The following CLYBL variants were observed in gnomAD, a reference collection of about 807,000 sequenced individuals.
CLYBL encodes citramalyl-CoA lyase, mitochondrial.
Under a neutral mutation model 38.9 loss-of-function variants are expected in CLYBL, and 31 were observed. The ratio of observed to expected loss-of-function variants is 0.80; its 90% CI spans 0.60 to 1.08. The LOEUF is 1.08. Ranked by LOEUF, CLYBL falls within the 50% of genes least tolerant of loss-of-function variation. The pLI, the probability that CLYBL is intolerant of heterozygous loss-of-function variation, is 0.00. For synonymous variants in CLYBL, 171 were observed against 158.6 expected, an observed-to-expected ratio of 1.08 and a Z score of -0.59; for missense variants, 434 against 411.6, an observed-to-expected ratio of 1.05 and a Z score of -0.47.
Position 99,658,203 on chromosome 13 carries a change from G to A in CLYBL, c.62+51446G>A, listed in dbSNP as rs1478711388. Among the ~76,000 whole-genome samples the A allele has an allele frequency of 3.3e-5, 5 of 152,384 alleles. No homozygotes were observed. The South Asian group carries it at 6.2e-4, about 19-fold the overall frequency. ...CATAAGGGGCCGCCGGCAGGGGACT[G>A]CCATGGCGCCCCCTCCTACCCTTTT... On this transcript the variant is annotated intron_variant, in intron 1 of 8. Coordinates refer to ENST00000339105, the MANE Select transcript of CLYBL (RefSeq NM_206808.5).
chr13:99,678,690 G>A (rs1024915137), intron 1 of CLYBL, among the ~76,000 whole-genome samples: 1 of 152,112 alleles, frequency 6.6e-6, no homozygotes, highest in Non-Finnish European at 1.5e-5. Flanking sequence ...AATCAGGAAA[G>A]TATTATTATC....
At chr13:99,851,049 T>C (rs1239495744) in intron 2 of CLYBL, among the ~76,000 whole-genome samples, 1 of 151,952 alleles carries the variant, frequency 6.6e-6, no homozygotes, top group Non-Finnish European at 1.5e-5. Flanking sequence ...TGCTTAATGG[T>C]TATGGAGTTT....
At chr13:99,772,375 A>C (rs913659490) in intron 1 of CLYBL, among the ~76,000 whole-genome samples, 1 of 152,236 alleles carries the variant, frequency 6.6e-6, no homozygotes, top group South Asian at 2.1e-4. Flanking sequence ...CTTAGTTTTT[A>C]TGTGTGATTG....
intron 2 of CLYBL, among the ~76,000 whole-genome samples, chr13:99,841,131 G>A (rs138763031): frequency 8.2e-4 from 125 of 152,274 alleles, no homozygotes; most frequent in African/African-American, 2.9e-3. Flanking sequence ...CACTGAGCAG[G>A]TTGCTCTTTG....
At chr13:99,788,484 T>G (rs1471175357) in intron 2 of CLYBL, among the ~76,000 whole-genome samples, 3 of 152,224 alleles carry the variant, frequency 2.0e-5, no homozygotes, top group African/African-American at 7.2e-5. Context: ...TTGGTTCTGT[T>G]TATATGCTGG....
At chr13:99,702,967 C>T (rs768362676) in intron 1 of CLYBL, among the ~76,000 whole-genome samples, 1 of 152,188 alleles carries the variant, frequency 6.6e-6, no homozygotes, top group Non-Finnish European at 1.5e-5. Flanking sequence ...CTCTTTGGTA[C>T]CTTTCGGAAC....
At chr13:99,761,891 A>G (rs1038443804) in intron 1 of CLYBL, among the ~76,000 whole-genome samples, 3 of 152,116 alleles carry the variant, frequency 2.0e-5, no homozygotes, top group African/African-American at 4.8e-5. Context: ...ATCTTATTGT[A>G]GTTTTGATTT....
chr13:99,662,154 G>A (rs1466573798), intron 1 of CLYBL, among the ~76,000 whole-genome samples: 1 of 152,138 alleles, frequency 6.6e-6, no homozygotes, highest in Admixed American at 6.5e-5. Context: ...GGTTTACTTT[G>A]GTTGTCGTTT....
Position 99,772,812 on chromosome 13 carries a change from C to G in CLYBL, c.63-12C>G. ...TCTCATTCTGGACTAACCCCAATCA[C>G]GTGTCTTGCAGGAAAGCGTCTCTAG... is the stretch of plus-strand genomic sequence containing the variant. On this transcript the variant is annotated splice_polypyrimidine_tract_variant and intron_variant, in intron 1 of 8. Transcript: ENST00000339105. 6.3e-7 allele frequency: 1 copy of G among 1,577,648 alleles called. No individual in the cohort carries two copies. Among genetic ancestry groups the G allele is most frequent in the Non-Finnish European group, 8.6e-7 (1 of 1,168,296 alleles).
At chr13:99,661,788 G>C (rs1170143259) in intron 1 of CLYBL, among the ~76,000 whole-genome samples, 1 of 152,084 alleles carries the variant, frequency 6.6e-6, no homozygotes, top group Non-Finnish European at 1.5e-5. Flanking sequence ...GTTTGTTGAT[G>C]TTTTCAAGGT....
At chr13:99,805,747 T>C (rs1293207530) in intron 2 of CLYBL, among the ~76,000 whole-genome samples, 1 of 152,168 alleles carries the variant, frequency 6.6e-6, no homozygotes, top group African/African-American at 2.4e-5. Flanking sequence ...TTTTATTGCT[T>C]TTAAAAGCAA....
At position 99,606,700 on chromosome 13, in the gene CLYBL, C is replaced by G. The variant is rs756685660; in HGVS notation, c.5C>G (p.Ala2Gly). 1.9e-5 allele frequency: 28 copies of G among 1,490,306 alleles called. No homozygotes were observed. Among genetic ancestry groups the G allele is most frequent in the Middle Eastern group, 2.2e-4 (1 of 4,486 alleles). The allele number at this position is 1,490,306 out of a possible 1,614,324, so 92.3% of individuals were successfully genotyped here. A position where few individuals can be genotyped will look rare whatever the true frequency, so the allele number is the denominator to read the frequency against. Residue 2 changes from alanine to glycine, a missense_variant, in exon 1 of 9, where the codon GCG becomes GGG. Ala to Gly is a moderately conservative substitution (Grantham distance 60). Transcript: ENST00000339105. MALRLLRRAARG... is the reference protein window; with the variant it reads MGLRLLRRAARG... Reference sequence around the variant, plus strand: ...CGGGGCGCGCGCGTCGGGAAGATGGCGCTACGTCTGCTGCGGAGGGCGGCG... The same window carrying G: ...CGGGGCGCGCGCGTCGGGAAGATGGGGCTACGTCTGCTGCGGAGGGCGGCG...
chr13:99,612,685 TC>T (rs1432163682), intron 1 of CLYBL, among the ~76,000 whole-genome samples: 1 of 152,042 alleles, frequency 6.6e-6, no homozygotes, highest in African/African-American at 2.4e-5. Flanking sequence ...GCCACACCCA[TC>T]CGGGGTCTAC....
chr13:99,619,733 T>C (rs1268286596), intron 1 of CLYBL, among the ~76,000 whole-genome samples: 2 of 152,222 alleles, frequency 1.3e-5, no homozygotes, highest in Non-Finnish European at 2.9e-5. Context: ...TTGTGCCTTA[T>C]TTTTCTCACC....
chr13:99,710,352 G>A (rs560148265), intron 1 of CLYBL, among the ~76,000 whole-genome samples: 1 of 152,128 alleles, frequency 6.6e-6, no homozygotes, highest in Non-Finnish European at 1.5e-5. Context: ...AGGCAGTCAC[G>A]GGGCCGCACA....
intron 2 of CLYBL, among the ~76,000 whole-genome samples, chr13:99,856,403 T>TA (rs1212298946): frequency 6.6e-6 from 1 of 152,208 alleles, no homozygotes; most frequent in Non-Finnish European, 1.5e-5. Flanking sequence ...CAGTATGGCC[T>TA]AAAAAACTGA....
intron 1 of CLYBL, among the ~76,000 whole-genome samples, chr13:99,717,209 T>A (rs1394147522): frequency 6.6e-6 from 1 of 151,622 alleles, no homozygotes; most frequent in African/African-American, 2.4e-5. Context: ...GTGGATCACC[T>A]GAGGTTAGGA....
chr13:99,730,251 C>T lies in CLYBL; in HGVS notation c.63-42573C>T, dbSNP rs145689126. Among the ~76,000 whole-genome samples, 32 of 152,364 alleles carry T rather than the reference C, an allele frequency of 2.1e-4. No homozygotes were observed. The East Asian group carries it at 6.2e-3, about 29-fold the overall frequency. The stretch of plus-strand genomic sequence containing the variant: ...CTCACTTTTCTGCATCCATGTACTC[C>T]TTTGGTATCTGGATCTTCCTTTTAA... On this transcript the variant is annotated intron_variant, in intron 1 of 8. Coordinates refer to ENST00000339105, the MANE Select transcript of CLYBL (RefSeq NM_206808.5).
At chr13:99,793,033 AACACACACACACAC>A (rs10631674) in intron 2 of CLYBL, among the ~76,000 whole-genome samples, 5 of 145,952 alleles carry the variant, frequency 3.4e-5, no homozygotes, top group Admixed American at 6.8e-5. Context: ...GTGCATACAT[AACACACACACACAC>A]ACACACACAC....
Sources: gnomAD v4.1 joint callset for allele counts (sites outside exome capture counted in the v4.1 genomes callset) on GRCh38, gnomAD v4.1.1 for gene constraint, MANE v1.5 for transcripts, NCBI Gene and HGNC (gene_info 2026-07-23, HGNC 2026-07-21) for gene names.